The following DDX19B variants were observed in gnomAD, a reference collection of about 807,000 sequenced individuals.
DDX19B encodes the protein DEAD-box helicase 19B, also known as ATP-dependent RNA helicase DDX19B.
Under a neutral mutation model 58.1 loss-of-function variants are expected in DDX19B, and 27 were observed. That is an observed-to-expected ratio of 0.46 (90% CI 0.34 to 0.64). The LOEUF (loss-of-function observed/expected upper bound fraction) is 0.64, where lower values mean the gene tolerates loss of function less well. Among genes scored for constraint, DDX19B ranks in the 30% least tolerant of loss-of-function variants. The pLI, the probability that DDX19B is intolerant of heterozygous loss-of-function variation, is 0.01. For synonymous variants in DDX19B, 187 were observed against 214.4 expected, an observed-to-expected ratio of 0.87 and a Z score of 1.12; for missense variants, 399 against 596.5, an observed-to-expected ratio of 0.67 and a Z score of 3.45.
intron 1 of DDX19B, 58 bp downstream of exon 1, chr16:70,299,412 C>A: frequency 6.6e-7 from 1 of 1,518,788 alleles, no homozygotes; most frequent in South Asian, 1.3e-5. Context: ...GAGACTTGGT[C>A]CCTGGGAAAG....
chr16:70,311,079 G>A (rs1191649130), intron 1 of DDX19B, among the ~76,000 whole-genome samples: 3 of 147,506 alleles, frequency 2.0e-5, no homozygotes, highest in African/African-American at 7.5e-5. Context: ...TAATAAAAAT[G>A]TACGACTAGA....
At chr16:70,328,359 A>ATTTTTTTT in intron 7 of DDX19B, among the ~76,000 whole-genome samples, 1 of 131,378 alleles carries the variant, frequency 7.6e-6, no homozygotes, top group Non-Finnish European at 1.6e-5. Context: ...AGAATTCTGA[A>ATTTTTTTT]TTTTTTTTTT....
chr16:70,290,933 ATCCAAATACACGGG>A (rs1490039478), upstream of DDX19B, among the ~76,000 whole-genome samples: 1 of 152,216 alleles, frequency 6.6e-6, no homozygotes, highest in Non-Finnish European at 1.5e-5. Flanking sequence ...CATCTGATAT[ATCCAAATACACGGG>A]TAATAAATTG....
chr16:70,296,881 G>A (rs1018987488), upstream of DDX19B, among the ~76,000 whole-genome samples: 33 of 152,080 alleles, frequency 2.2e-4, no homozygotes, highest in African/African-American at 8.0e-4. Context: ...ATTCCACAGA[G>A]AACCCACCAT....
At chr16:70,302,688 G>T (rs1014755397) in intron 1 of DDX19B, among the ~76,000 whole-genome samples, 1 of 152,166 alleles carries the variant, frequency 6.6e-6, no homozygotes, top group Non-Finnish European at 1.5e-5. Context: ...TATGAAGAAA[G>T]CTACTCTATA....
chr16:70,313,661 A>G lies in DDX19B; in HGVS notation c.106+1004A>G, dbSNP rs546418705. ...TACCTATCCTAATTATTCTGAAATC[A>G]TATTTATCCAAAGTTAAGATTTCCA... On this transcript the variant is annotated intron_variant, in intron 2 of 11. Coordinates refer to ENST00000288071, the MANE Select transcript of DDX19B (RefSeq NM_007242.7). 1.8e-3 allele frequency among the ~76,000 whole-genome samples: 272 copies of G among 152,312 alleles called. 1 individual carries two copies. The highest frequency in any genetic ancestry group is 6.3e-3 in the African/African-American group (263 of 41,570).
intron 2 of DDX19B, 26 bp downstream of exon 2, chr16:70,312,683 A>G: frequency 6.3e-7 from 1 of 1,585,338 alleles, no homozygotes; most frequent in Non-Finnish European, 8.6e-7. Flanking sequence ...CTAGTTTGAA[A>G]ACAAATGTGA....
chr16:70,308,546 A>AT (rs1162720512), intron 1 of DDX19B, among the ~76,000 whole-genome samples: 1 of 150,506 alleles, frequency 6.6e-6, no homozygotes, highest in East Asian at 2.0e-4. Flanking sequence ...CTATTTATTT[A>AT]TTTTTTAGGA....
chr16:70,330,899 G>T (rs1174863811), intron 9 of DDX19B, among the ~76,000 whole-genome samples: 5 of 151,966 alleles, frequency 3.3e-5, no homozygotes, highest in African/African-American at 1.2e-4. Context: ...TTAAAAATTA[G>T]CCAGGCGTGG....
At chr16:70,329,059 C>CAA (rs58066345) in intron 7 of DDX19B, among the ~76,000 whole-genome samples, 22 of 128,158 alleles carry the variant, frequency 1.7e-4, no homozygotes, top group East Asian at 4.5e-4. Flanking sequence ...ACTAAAAATA[C>CAA]AAAAAAAAAA....
chr16:70,308,156 T>A (rs1258166451), intron 1 of DDX19B, among the ~76,000 whole-genome samples: 1 of 151,972 alleles, frequency 6.6e-6, no homozygotes, highest in Non-Finnish European at 1.5e-5. Context: ...TTTCACCATG[T>A]TGGCCAGTCT....
At chr16:70,330,810 G>T (rs764936767) in intron 9 of DDX19B, among the ~76,000 whole-genome samples, 1 of 151,940 alleles carries the variant, frequency 6.6e-6, no homozygotes, top group Non-Finnish European at 1.5e-5. Flanking sequence ...TTGAGAGGCT[G>T]AGGTGGGGGG....
intron 1 of DDX19B, among the ~76,000 whole-genome samples, chr16:70,310,391 A>G (rs1419485465): frequency 6.6e-6 from 1 of 151,276 alleles, no homozygotes; most frequent in African/African-American, 2.4e-5. Flanking sequence ...AAAAAAAAAA[A>G]TTAGCTGGAC....
chr16:70,302,724 A>C (rs1237923727), intron 1 of DDX19B, among the ~76,000 whole-genome samples: 1 of 152,188 alleles, frequency 6.6e-6, no homozygotes, highest in Non-Finnish European at 1.5e-5. Context: ...TTTTGTATGG[A>C]CATATGTTTG....
upstream of DDX19B, chr16:70,294,886 G>A (rs1478705566): frequency 4.6e-6 from 7 of 1,526,824 alleles, no homozygotes; most frequent in African/African-American, 2.8e-5. Flanking sequence ...CGCGCCCTGC[G>A]GCGGTTTCCC....
At chr16:70,332,445 C>T (rs535011143) in intron 10 of DDX19B, among the ~76,000 whole-genome samples, 6 of 152,196 alleles carry the variant, frequency 3.9e-5, no homozygotes, top group Admixed American at 1.3e-4. Context: ...GGATTACAGG[C>T]GCCTGCCACC....
At position 70,327,119 on chromosome 16, in the gene DDX19B, C is replaced by T. The variant is rs919856357; in HGVS notation, c.607+1431C>T. ...AAAGTGCTGGGATTACAGGCGTGAG[C>T]CACTGCGCCTGGCCGCCTTCTTTTT... On this transcript the variant is annotated intron_variant, in intron 7 of 11. Coordinates refer to ENST00000288071, the MANE Select transcript of DDX19B (RefSeq NM_007242.7). 6.6e-5 allele frequency among the ~76,000 whole-genome samples: 10 copies of T among 152,066 alleles called. No homozygotes were observed. The East Asian group carries it at 1.8e-3, about 27-fold the overall frequency.
At chr16:70,323,192 C>T (rs1366630260) in intron 5 of DDX19B, among the ~76,000 whole-genome samples, 2 of 151,910 alleles carry the variant, frequency 1.3e-5, no homozygotes, top group Admixed American at 6.6e-5. Context: ...CTCCACCCTC[C>T]ACCTCCTGGG....
intron 1 of DDX19B, among the ~76,000 whole-genome samples, chr16:70,301,042 T>C (rs537841496): frequency 6.6e-6 from 1 of 152,302 alleles, no homozygotes; most frequent in African/African-American, 2.4e-5. Context: ...CTCCTGTCTT[T>C]AGAGCACAGT....
Sources: gnomAD v4.1 joint callset for allele counts (sites outside exome capture counted in the v4.1 genomes callset) on GRCh38, gnomAD v4.1.1 for gene constraint, MANE v1.5 for transcripts, NCBI Gene and HGNC (gene_info 2026-07-23, HGNC 2026-07-21) for gene names.